Variants in SIPA1L1 observed in about 807,000 individuals in gnomAD.
SIPA1L1 encodes the protein signal-induced proliferation-associated 1-like protein 1.
In SIPA1L1, 26 loss-of-function variants were observed where a neutral mutation model predicts 162.7. The ratio of observed to expected loss-of-function variants is 0.16; its 90% CI spans 0.12 to 0.22. SIPA1L1 has a LOEUF of 0.22. SIPA1L1 is among the 10% of genes least tolerant of loss of function. SIPA1L1 has a pLI of 1.00. For synonymous variants in SIPA1L1, 829 were observed against 837.4 expected (o/e 0.99, Z 0.17); for missense variants, 1,874 against 2,241.0 (o/e 0.84, Z 3.31).
At chr14:71,713,141 A>G (rs1052337396) in intron 17 of SIPA1L1, among the ~76,000 whole-genome samples, 1 of 152,158 alleles carries the variant, frequency 6.6e-6, no homozygotes, top group African/African-American at 2.4e-5. Flanking sequence ...GATCATTTGT[A>G]CCCAGGAGTT....
intron 4 of SIPA1L1, among the ~76,000 whole-genome samples, chr14:71,531,788 TGAGCCACCATGC>T (rs2053470130): frequency 6.6e-6 from 1 of 152,168 alleles, no homozygotes; most frequent in Admixed American, 6.5e-5. Flanking sequence ...ATTACAAATG[TGAGCCACCATGC>T]CTGGCCTGAA....
At chr14:71,406,588 TGGG>T (rs34674670) in intron 2 of SIPA1L1, among the ~76,000 whole-genome samples, 2 of 152,144 alleles carry the variant, frequency 1.3e-5, no homozygotes, top group Admixed American at 6.5e-5. Context: ...TAGATTACCT[TGGG>T]GGGATTTATT....
intron 10 of SIPA1L1, among the ~76,000 whole-genome samples, chr14:71,669,614 A>C (rs1488463366): frequency 6.6e-6 from 1 of 152,216 alleles, no homozygotes; most frequent in East Asian, 1.9e-4. Context: ...TCAGCGTTCA[A>C]GTCAGGCAGT....
intron 4 of SIPA1L1, among the ~76,000 whole-genome samples, chr14:71,561,904 A>C (rs932634437): frequency 1.3e-5 from 2 of 152,008 alleles, no homozygotes; most frequent in South Asian, 2.1e-4. Flanking sequence ...AATATTTCCT[A>C]CTTATTTTTT....
intron 2 of SIPA1L1, among the ~76,000 whole-genome samples, chr14:71,502,702 A>G (rs2050359371): frequency 6.6e-6 from 1 of 152,104 alleles, no homozygotes; most frequent in African/African-American, 2.4e-5. Flanking sequence ...CAGAGAGACT[A>G]TTTTTCACCT....
intron 2 of SIPA1L1, among the ~76,000 whole-genome samples, chr14:71,459,185 A>G (rs899913877): frequency 6.6e-6 from 1 of 152,128 alleles, no homozygotes; most frequent in African/African-American, 2.4e-5. Flanking sequence ...TCCCCATTTT[A>G]AAGGGGAGAG....
intron 12 of SIPA1L1, among the ~76,000 whole-genome samples, chr14:71,674,032 T>A (rs2044810650): frequency 6.6e-6 from 1 of 152,254 alleles, no homozygotes; most frequent in Non-Finnish European, 1.5e-5. Context: ...TTCTCTGCTG[T>A]CTCTCCTTCA....
chr14:71,740,521 C>T lies in SIPA1L1; in HGVS notation c.*1360C>T. On this transcript the variant is annotated 3_prime_UTR_variant, in exon 24 of 24. Transcript: ENST00000381232. ...CCCCTCTGCCCTTTCAGTGGCAACT[C>T]TGGTCTAAGGGAACATTCAGCACTC... 1 of 152,196 alleles carries T rather than the reference C, an allele frequency of 6.6e-6. No homozygotes were observed. The highest frequency in any genetic ancestry group is 6.5e-5 in the Admixed American group (1 of 15,284). 9.4% of individuals were successfully genotyped at this position (152,196 alleles called of 1,614,324 possible).
At chr14:71,593,016 A>G (rs1222101193) in intron 5 of SIPA1L1, among the ~76,000 whole-genome samples, 1 of 152,048 alleles carries the variant, frequency 6.6e-6, no homozygotes, top group Middle Eastern at 3.2e-3. Flanking sequence ...ACTTCTTTGT[A>G]CTTTATTGAG....
intron 5 of SIPA1L1, among the ~76,000 whole-genome samples, chr14:71,599,917 T>G (rs1192386851): frequency 6.6e-6 from 1 of 152,172 alleles, no homozygotes; most frequent in African/African-American, 2.4e-5. Flanking sequence ...ATGTGTGTAT[T>G]CTTTTCAGAA....
At chr14:71,327,606 A>G (rs1055183879) in intron 2 of SIPA1L1, among the ~76,000 whole-genome samples, 2 of 152,202 alleles carry the variant, frequency 1.3e-5, no homozygotes, top group Admixed American at 6.5e-5. Context: ...TCACCTGTAT[A>G]TACCTAGGAA....
intron 2 of SIPA1L1, among the ~76,000 whole-genome samples, chr14:71,444,332 C>G (rs554895780): frequency 6.6e-6 from 1 of 152,276 alleles, no homozygotes; most frequent in Non-Finnish European, 1.5e-5. Context: ...AATGAGAACA[C>G]TATAAAATTC....
chr14:71,710,166 T>G (rs1380996480), intron 17 of SIPA1L1, among the ~76,000 whole-genome samples: 1 of 152,254 alleles, frequency 6.6e-6, no homozygotes, highest in Non-Finnish European at 1.5e-5. Flanking sequence ...TTTTTTTCAG[T>G]AATTGGCTCC....
chr14:71,564,170 A>G lies in SIPA1L1; in HGVS notation c.-302-23401A>G, dbSNP rs912822174. ...TGCTATGTTTTCTAGATTGGTCTTG[A>G]ACTCCTGGGCTCAATCGATCCTCTT... On this transcript the variant is annotated intron_variant, in intron 4 of 23. Coordinates refer to ENST00000381232, the MANE Select transcript of SIPA1L1 (RefSeq NM_001386936.1). Among the ~76,000 whole-genome samples, 3 of 151,926 alleles carry G rather than the reference A, an allele frequency of 2.0e-5. No individual in the cohort carries two copies. In the East Asian group the frequency reaches 5.8e-4, roughly 29 times the overall value.
chr14:71,572,701 CTG>C lies in SIPA1L1; in HGVS notation c.-302-14865_-302-14864del, dbSNP rs538683411. 1.8e-4 allele frequency among the ~76,000 whole-genome samples: 28 copies of C among 152,242 alleles called. No individual in the cohort carries two copies. The East Asian group carries it at 5.2e-3, about 28-fold the overall frequency. On this transcript the variant is annotated intron_variant, in intron 4 of 23. Coordinates refer to ENST00000381232, the MANE Select transcript of SIPA1L1 (RefSeq NM_001386936.1). Reference sequence around the variant, plus strand: ...ATTGATAGGAATCTGTTGTTTTTGACTGTGTGGAAAGAATAACAAGATTTTTT... The same window carrying C: ...ATTGATAGGAATCTGTTGTTTTTGACTGTGGAAAGAATAACAAGATTTTTT...
At chr14:71,338,464 C>T (rs2035314310) in intron 2 of SIPA1L1, among the ~76,000 whole-genome samples, 1 of 152,130 alleles carries the variant, frequency 6.6e-6, no homozygotes, top group Non-Finnish European at 1.5e-5. Context: ...TCGTTGGAGG[C>T]CCTAATGCAT....
At chr14:71,654,649 A>G (rs2042909625) in intron 8 of SIPA1L1, among the ~76,000 whole-genome samples, 2 of 152,180 alleles carry the variant, frequency 1.3e-5, no homozygotes, top group Non-Finnish European at 2.9e-5. Flanking sequence ...AAAGATTTGG[A>G]GGCAGATCAT....
At chr14:71,710,434 G>A (rs1000998710) in intron 17 of SIPA1L1, among the ~76,000 whole-genome samples, 1 of 152,142 alleles carries the variant, frequency 6.6e-6, no homozygotes, top group Non-Finnish European at 1.5e-5. Context: ...TTTTATCTTC[G>A]ATTGTTGTCA....
chr14:71,390,364 GGA>G (rs34379042), intron 2 of SIPA1L1, among the ~76,000 whole-genome samples: 64,615 of 151,874 alleles, frequency 0.43, 14,337 homozygotes, highest in Admixed American at 0.51. Flanking sequence ...TTTTTTGGAG[GGA>G]GAGGCAGCCA....
Sources: gnomAD v4.1 joint callset for allele counts (sites outside exome capture counted in the v4.1 genomes callset) on GRCh38, gnomAD v4.1.1 for gene constraint, MANE v1.5 for transcripts, NCBI Gene and HGNC (gene_info 2026-07-23, HGNC 2026-07-21) for gene names.